CFAP20DC: variants seen among roughly 807,000 people sequenced by gnomAD.
The protein encoded by CFAP20DC is CFAP20 domain containing, also known as protein CFAP20DC.
In CFAP20DC, 84 loss-of-function variants were observed where a neutral mutation model predicts 101.7. The ratio of observed to expected loss-of-function variants is 0.83; its 90% CI spans 0.69 to 0.99. CFAP20DC has a LOEUF of 0.99. Ranked by LOEUF, CFAP20DC falls within the 50% of genes least tolerant of loss-of-function variation. The pLI is 0.00. For missense variants in CFAP20DC, 1,007 were observed against 970.3 expected (o/e 1.04, Z -0.50); for synonymous variants, 359 against 351.2 (o/e 1.02, Z -0.25).
rs917059819 is a variant in CFAP20DC, at chr3:58,905,968, G to C, written c.550+7740C>G. 5.9e-5 allele frequency among the ~76,000 whole-genome samples: 9 copies of C among 152,210 alleles called. No homozygotes were observed. The South Asian group carries it at 6.2e-4, about 11-fold the overall frequency. On this transcript the variant is annotated intron_variant, in intron 6 of 16. Transcript: ENST00000482387. ...GAGAAGCAGCAAACTGAAATAATTA[G>C]GAATATAAGCTCTGGAACCCTACTG...
intron 3 of CFAP20DC, among the ~76,000 whole-genome samples, chr3:58,730,469 G>T (rs972859550): frequency 1.3e-5 from 2 of 152,154 alleles, no homozygotes; most frequent in Admixed American, 1.3e-4. Context: ...TGGTGGTAGT[G>T]GTCCCAGGTG....
intron 14 of CFAP20DC, among the ~76,000 whole-genome samples, chr3:58,819,257 C>T (rs576985426): frequency 6.6e-6 from 1 of 152,086 alleles, no homozygotes; most frequent in African/African-American, 2.4e-5. Context: ...CAAACACATT[C>T]AAAAGCTAGC....
chr3:58,948,616 G>A (rs529426698), intron 4 of CFAP20DC, among the ~76,000 whole-genome samples: 28 of 152,304 alleles, frequency 1.8e-4, no homozygotes, highest in Middle Eastern at 3.4e-3. Flanking sequence ...TGTTGAACCA[G>A]CCTTGCATCC....
chr3:58,735,303 G>A (rs546782867), intron 3 of CFAP20DC, among the ~76,000 whole-genome samples: 10 of 152,186 alleles, frequency 6.6e-5, no homozygotes, highest in Non-Finnish European at 7.3e-5. Flanking sequence ...CTCAAAATGC[G>A]TACAAGACAG....
At chr3:58,770,461 G>T (rs937746464) in intron 15 of CFAP20DC, among the ~76,000 whole-genome samples, 1 of 152,186 alleles carries the variant, frequency 6.6e-6, no homozygotes, top group Non-Finnish European at 1.5e-5. Flanking sequence ...GTTAGATAGA[G>T]GTAAGCCCAA....
chr3:58,778,703 C>T (rs1050195380), intron 15 of CFAP20DC, among the ~76,000 whole-genome samples: 1 of 152,236 alleles, frequency 6.6e-6, no homozygotes, highest in African/African-American at 2.4e-5. Context: ...GTATGCTGCC[C>T]TGGGGCCCAA....
chr3:58,786,046 G>A (rs2072306335), intron 15 of CFAP20DC, among the ~76,000 whole-genome samples: 2 of 152,074 alleles, frequency 1.3e-5, no homozygotes, highest in African/African-American at 2.4e-5. Context: ...AAGATGTTAC[G>A]TAAGCCAGAG....
intron 3 of CFAP20DC, among the ~76,000 whole-genome samples, chr3:58,733,018 C>T (rs2067675352): frequency 6.6e-6 from 1 of 152,142 alleles, no homozygotes; most frequent in African/African-American, 2.4e-5. Flanking sequence ...GGGAAGAGAG[C>T]CAGTCTGAAA....
At chr3:58,812,004 G>C (rs1055010892) in intron 14 of CFAP20DC, among the ~76,000 whole-genome samples, 2 of 152,104 alleles carry the variant, frequency 1.3e-5, no homozygotes, top group African/African-American at 4.8e-5. Context: ...ACCACAATGA[G>C]ATACCATCTC....
intron 13 of CFAP20DC, among the ~76,000 whole-genome samples, chr3:58,845,301 A>G (rs2077529438): frequency 6.6e-6 from 1 of 151,976 alleles, no homozygotes; most frequent in Non-Finnish European, 1.5e-5. Context: ...GAAGAATCAA[A>G]TAGATGCAAT....
At chr3:58,996,932 C>T (rs539794377) in intron 4 of CFAP20DC, among the ~76,000 whole-genome samples, 6 of 152,278 alleles carry the variant, frequency 3.9e-5, no homozygotes, top group South Asian at 2.1e-4. Context: ...CTTTTGCAGC[C>T]GGGAGGAGCC....
chr3:58,820,839 A>C (rs1479754975), intron 14 of CFAP20DC, among the ~76,000 whole-genome samples: 2 of 149,050 alleles, frequency 1.3e-5, no homozygotes, highest in Non-Finnish European at 2.9e-5. Context: ...TCGCCAAGTC[A>C]ATCCTAAGCC....
chr3:58,870,169 C>T lies in CFAP20DC; in HGVS notation c.852+4G>A. 1 of 1,613,768 alleles carries T rather than the reference C, an allele frequency of 6.2e-7. No individual in the cohort carries two copies. The highest frequency in any genetic ancestry group is 8.5e-7 in the Non-Finnish European group (1 of 1,179,934). Reference sequence around the variant, plus strand: ...TAGATAAGCTCTCCAAACCTTGCTCCTACCTCGCTGGATATCTTCATGTTA... The same window carrying T: ...TAGATAAGCTCTCCAAACCTTGCTCTTACCTCGCTGGATATCTTCATGTTA... On this transcript the variant is annotated splice_donor_region_variant and intron_variant, in intron 8 of 16. Coordinates refer to ENST00000482387, the MANE Select transcript of CFAP20DC (RefSeq NM_001394063.1).
chr3:58,802,860 A>T (rs867708187), intron 15 of CFAP20DC, among the ~76,000 whole-genome samples: 7 of 152,302 alleles, frequency 4.6e-5, no homozygotes, highest in Middle Eastern at 3.4e-3. Flanking sequence ...AATCCTGCAC[A>T]CAAAAAATTA....
At chr3:58,866,713 T>C in intron 10 of CFAP20DC, 25 bp from the exon 11 acceptor site, 1 of 1,402,482 alleles carries the variant, frequency 7.1e-7, no homozygotes, top group East Asian at 2.3e-5. Flanking sequence ...ATATTTTCCC[T>C]CTATTACTTC....
intron 15 of CFAP20DC, among the ~76,000 whole-genome samples, chr3:58,765,207 A>C (rs1192179892): frequency 2.6e-5 from 4 of 152,148 alleles, no homozygotes; most frequent in African/African-American, 7.2e-5. Flanking sequence ...TTTACGAGAC[A>C]ATTTTATATA....
rs1307841890 is a variant in CFAP20DC at position 58,882,083 on chromosome 3, AC to A, written c.715+2461del. Among the ~76,000 whole-genome samples, 1 of 152,146 alleles carries A rather than the reference AC, an allele frequency of 6.6e-6. No individual in the cohort carries two copies. Among genetic ancestry groups the A allele is most frequent in the Non-Finnish European group, 1.5e-5 (1 of 67,988 alleles). On this transcript the variant is annotated intron_variant, in intron 7 of 16. Coordinates refer to ENST00000482387, the MANE Select transcript of CFAP20DC (RefSeq NM_001394063.1). The surrounding 1 kb of genome is among the most constrained non-coding windows in gnomAD (Gnocchi z 4.2). ...ATTTATTTAAGAAGTGCAATCATAAACCCTATGGTTACAAACGAATATAATT... is the reference window on the plus strand; with the variant it reads ...ATTTATTTAAGAAGTGCAATCATAAACCTATGGTTACAAACGAATATAATT...
At chr3:58,791,162 C>A (rs1180920112) in intron 15 of CFAP20DC, among the ~76,000 whole-genome samples, 1 of 151,696 alleles carries the variant, frequency 6.6e-6, no homozygotes, top group East Asian at 1.9e-4. Context: ...CTCATCAAAC[C>A]CTTTAAGATT....
At chr3:58,919,255 GTTTT>G in intron 5 of CFAP20DC, among the ~76,000 whole-genome samples, 1 of 149,310 alleles carries the variant, frequency 6.7e-6, no homozygotes, top group Non-Finnish European at 1.5e-5. Flanking sequence ...TATATTGGTA[GTTTT>G]TTTTTTATTT....
Sources: allele counts gnomAD v4.1 joint callset (sites outside exome capture counted in the v4.1 genomes callset), GRCh38; gene constraint gnomAD v4.1.1; non-coding constraint Gnocchi (gnomAD v3.1); transcripts MANE v1.5; gene names NCBI Gene and HGNC (gene_info 2026-07-23, HGNC 2026-07-21).